The following ELL variants were observed in gnomAD, a reference collection of about 807,000 sequenced individuals.
The protein encoded by ELL is RNA polymerase II elongation factor ELL.
ELL carries 18 observed loss-of-function variants against 64.0 expected under a neutral mutation model. The observed-to-expected ratio is 0.28, with a 90% CI of 0.19 to 0.42. The LOEUF is 0.42. ELL is among the 10% of genes least tolerant of loss of function. The pLI is 1.00. For missense variants in ELL, 797 were observed against 870.4 expected, an observed-to-expected ratio of 0.92 and a Z score of 1.06; for synonymous variants, 399 against 376.2, an observed-to-expected ratio of 1.06 and a Z score of -0.70.
In ELL at chr19:18,453,117, C is replaced by CA. The variant is rs566338808; in HGVS notation, c.870-1470dup. Among the ~76,000 whole-genome samples, 769 of 152,122 alleles carry CA rather than the reference C, an allele frequency of 5.1e-3. 4 individuals are homozygous for CA. The highest frequency in any genetic ancestry group is 0.01 in the Middle Eastern group (3 of 294). ...TGAAACCCCGTCTCTCCTAAACGTA[C>CA]AAAAAAATTAGCCGGGCATGGTGGT... is the stretch of plus-strand genomic sequence containing the variant. On this transcript the variant is annotated intron_variant, in intron 6 of 11. Transcript: ENST00000262809.
chr19:18,445,479 T>C (rs1269641533), intron 10 of ELL: 18 of 355,516 alleles, frequency 5.1e-5, no homozygotes, highest in African/African-American at 2.7e-4. Flanking sequence ...CTGGAGGCAA[T>C]AGCAGGTGGG....
intron 8 of ELL, among the ~76,000 whole-genome samples, chr19:18,447,892 C>T (rs1401712465): frequency 6.6e-6 from 1 of 151,772 alleles, no homozygotes; most frequent in East Asian, 1.9e-4. Flanking sequence ...TCAAGTGATC[C>T]TCTTGCCTCA....
chr19:18,464,232 G>C (rs1271739683), intron 4 of ELL, among the ~76,000 whole-genome samples: 1 of 152,108 alleles, frequency 6.6e-6, no homozygotes, highest in Non-Finnish European at 1.5e-5. Context: ...AGCCATGTGT[G>C]GTGGCACACA....
At chr19:18,497,441 T>C (rs956734411) in intron 1 of ELL, among the ~76,000 whole-genome samples, 4 of 152,174 alleles carry the variant, frequency 2.6e-5, no homozygotes, top group Non-Finnish European at 5.9e-5. Flanking sequence ...ACTACCATGG[T>C]GGACATGTCA....
At chr19:18,491,558 C>T (rs1975535337) in intron 1 of ELL, among the ~76,000 whole-genome samples, 2 of 152,210 alleles carry the variant, frequency 1.3e-5, no homozygotes, top group South Asian at 2.1e-4. Flanking sequence ...TCCAGCCTGC[C>T]GTCCTGCCCT....
At chr19:18,481,522 TTGTGA>T (rs1198653008) in intron 1 of ELL, among the ~76,000 whole-genome samples, 3 of 152,162 alleles carry the variant, frequency 2.0e-5, no homozygotes, top group African/African-American at 4.8e-5. Flanking sequence ...ACGAGGACAC[TTGTGA>T]TGACAAACAG....
chr19:18,517,825 C>T (rs1976160515), intron 1 of ELL, among the ~76,000 whole-genome samples: 2 of 149,608 alleles, frequency 1.3e-5, no homozygotes, highest in Admixed American at 1.3e-4. Context: ...AGTTCAAGGC[C>T]GCAGTGAGCT....
intron 7 of ELL, among the ~76,000 whole-genome samples, chr19:18,451,324 T>C (rs1974529569): frequency 6.6e-6 from 1 of 152,158 alleles, no homozygotes; most frequent in Non-Finnish European, 1.5e-5. Context: ...CCGCCCCCCG[T>C]CCCAGGTTCC....
chr19:18,489,720 C>G (rs746227625), intron 1 of ELL, among the ~76,000 whole-genome samples: 7 of 152,170 alleles, frequency 4.6e-5, no homozygotes, highest in Non-Finnish European at 1.0e-4. Flanking sequence ...CTCCTGGGAT[C>G]CACCTGGCCA....
At chr19:18,462,974 ACG>A (rs1974858399) in intron 4 of ELL, among the ~76,000 whole-genome samples, 1 of 152,112 alleles carries the variant, frequency 6.6e-6, no homozygotes, top group Non-Finnish European at 1.5e-5. Context: ...CAACGCAGAG[ACG>A]TGGGCAGGGT....
intron 2 of ELL, among the ~76,000 whole-genome samples, chr19:18,469,737 C>T (rs1199921011): frequency 6.6e-6 from 1 of 152,254 alleles, no homozygotes; most frequent in African/African-American, 2.4e-5. Flanking sequence ...CCGCTCTGCC[C>T]TTCCCGCTGA....
chr19:18,521,993 G>A lies in ELL; in HGVS notation c.63C>T (p.Ser21=). The A allele has an allele frequency of 6.2e-7, 1 of 1,611,274 alleles. No individual in the cohort carries two copies. The part of the protein sequence containing the change: ...GLSCGRVSDG[S]KVSVFHVKLT... ...GCTTCACGTGGAACACCGACACCTT[G>A]CTGCCGTCGCTAACCCGCCCGCACG... The change falls in exon 1 of 12, where the codon AGC becomes AGT. Residue 21 remains serine (S), a synonymous_variant. Coordinates refer to ENST00000262809, the MANE Select transcript of ELL (RefSeq NM_006532.4).
chr19:18,461,666 G>A lies in ELL; in HGVS notation c.656C>T (p.Pro219Leu). 1 of 1,613,098 alleles carries A rather than the reference G, an allele frequency of 6.2e-7. No homozygotes were observed. The highest frequency in any genetic ancestry group is 8.5e-7 in the Non-Finnish European group (1 of 1,179,972). Reference protein sequence around the residue: ...DRVLHLLALRPYRKAELLLRL... With the variant: ...DRVLHLLALRLYRKAELLLRL... ...CAGCAGCAGCTCAGCCTTGCGGTAG[G>A]GCCGTAGTGCCAGGAGGTGCAGCAC... Residue 219 changes from proline (P) to leucine (L), a missense_variant, in exon 5 of 12, where the codon CCC becomes CTC. By Grantham distance (98) the Pro-to-Leu change is moderately conservative. Transcript: ENST00000262809.
At chr19:18,499,603 T>TG (rs1975737898) in intron 1 of ELL, among the ~76,000 whole-genome samples, 1 of 152,212 alleles carries the variant, frequency 6.6e-6, no homozygotes, top group Non-Finnish European at 1.5e-5. Flanking sequence ...CTGTGAATGA[T>TG]GGACTTGACA....
chr19:18,483,292 C>T (rs1432207921), intron 1 of ELL, among the ~76,000 whole-genome samples: 1 of 152,156 alleles, frequency 6.6e-6, no homozygotes. Flanking sequence ...CGGATGCCAC[C>T]GCCCACCTGG....
At chr19:18,462,721 TG>T (rs1040798949) in intron 4 of ELL, among the ~76,000 whole-genome samples, 2 of 152,110 alleles carry the variant, frequency 1.3e-5, no homozygotes, top group African/African-American at 4.8e-5. Flanking sequence ...GATGTTAAAC[TG>T]GGGGTCCCTG....
chr19:18,474,861 G>A (rs1975145123), intron 1 of ELL, among the ~76,000 whole-genome samples: 1 of 152,160 alleles, frequency 6.6e-6, no homozygotes, highest in Admixed American at 6.5e-5. Flanking sequence ...GGTGGTTCAC[G>A]CCTGTAATCC....
chr19:18,456,071 T>C (rs1447140010), intron 6 of ELL, among the ~76,000 whole-genome samples: 1 of 147,566 alleles, frequency 6.8e-6, no homozygotes, highest in East Asian at 2.0e-4. Flanking sequence ...CACTCCAGCC[T>C]GGGCAACAAG....
chr19:18,443,180 C>CTGCTCGGCCCT lies in ELL; in HGVS notation c.*1561_*1571dup, dbSNP rs1411071868. ...GCTGACTCTGGAGGCCTCCTGGAGC[C>CTGCTCGGCCCT]TGCTCGGCCCTTCCCCGGCCCGGCC... On this transcript the variant is annotated 3_prime_UTR_variant, in exon 12 of 12. Coordinates refer to ENST00000262809, the MANE Select transcript of ELL (RefSeq NM_006532.4). 1 of 232,242 alleles carries CTGCTCGGCCCT rather than the reference C, an allele frequency of 4.3e-6. No individual in the cohort carries two copies. The highest frequency in any genetic ancestry group is 8.5e-6 in the Non-Finnish European group (1 of 117,434). 14.4% of individuals were successfully genotyped at this position (232,242 alleles called of 1,614,324 possible).
Sources: allele counts gnomAD v4.1 joint callset (sites outside exome capture counted in the v4.1 genomes callset), GRCh38; gene constraint gnomAD v4.1.1; transcripts MANE v1.5; gene names NCBI Gene and HGNC (gene_info 2026-07-23, HGNC 2026-07-21).